LAMA3: variants seen among roughly 807,000 people sequenced by gnomAD.
The protein encoded by LAMA3 is laminin subunit alpha-3.
In LAMA3, 281 loss-of-function variants were observed where a neutral mutation model predicts 402.0. The ratio of observed to expected loss-of-function variants is 0.70; its 90% confidence interval spans 0.63 to 0.77. LAMA3 has a LOEUF of 0.77. Among genes scored for constraint, LAMA3 ranks in the 30% least tolerant of loss-of-function variants. The pLI is 0.00. For missense variants in LAMA3, 3,840 were observed against 4,215.5 expected (o/e 0.91, Z 2.47); for synonymous variants, 1,431 against 1,558.4 (o/e 0.92, Z 1.93).
chr18:23,929,674 C>T (rs561540618), intron 64 of LAMA3, among the ~76,000 whole-genome samples: 3 of 152,262 alleles, frequency 2.0e-5, no homozygotes, highest in South Asian at 4.2e-4. Flanking sequence ...AAGGCCACCC[C>T]TCTCTTGGTG....
At chr18:23,752,994 G>A (rs1193916988) in intron 5 of LAMA3, among the ~76,000 whole-genome samples, 1 of 152,246 alleles carries the variant, frequency 6.6e-6, no homozygotes, top group East Asian at 1.9e-4. Context: ...AAGGTTGCTG[G>A]CAGAGGGAGC....
chr18:23,852,500 G>A (rs1185635250), intron 32 of LAMA3, among the ~76,000 whole-genome samples: 1 of 152,112 alleles, frequency 6.6e-6, no homozygotes, highest in Non-Finnish European at 1.5e-5. Flanking sequence ...TCCCTTAAGT[G>A]TTATTTTGTA....
chr18:23,812,314 C>T (rs1262972896), intron 13 of LAMA3, among the ~76,000 whole-genome samples: 1 of 152,058 alleles, frequency 6.6e-6, no homozygotes, highest in African/African-American at 2.4e-5. Context: ...TGCACTCCAA[C>T]CTGGAAGACA....
At chr18:23,822,466 T>G (rs896691935) in intron 20 of LAMA3, 91 bp downstream of exon 20, 1 of 1,383,196 alleles carries the variant, frequency 7.2e-7, no homozygotes, top group East Asian at 2.3e-5. Flanking sequence ...TTGATCACCC[T>G]TAGAAAATGT....
At position 23,846,610 on chromosome 18, in the gene LAMA3, T is replaced by C. The variant is rs1278933747; in HGVS notation, c.3931+102T>C. 5 of 1,038,890 alleles carry C rather than the reference T, an allele frequency of 4.8e-6. No individual in the cohort carries two copies. In the East Asian group the frequency reaches 1.3e-4, roughly 27 times the overall value. The allele number at this position is 1,038,890 out of a possible 1,614,324, so 64.4% of individuals were successfully genotyped here. A position where few individuals can be genotyped will look rare whatever the true frequency, so the allele number is the denominator to read the frequency against. On this transcript the variant is annotated intron_variant, in intron 31 of 74. Transcript: ENST00000313654. ...AGTGGCACTGTGCTAGAGACTCACCTGGAGATCTGGAGAAATGCAGATTCT... is the reference window on the plus strand; with the variant it reads ...AGTGGCACTGTGCTAGAGACTCACCCGGAGATCTGGAGAAATGCAGATTCT...
At chr18:23,924,247 G>A (rs1399757506) in intron 62 of LAMA3, among the ~76,000 whole-genome samples, 1 of 152,096 alleles carries the variant, frequency 6.6e-6, no homozygotes, top group African/African-American at 2.4e-5. Context: ...TGCCTCCTGG[G>A]CTCAAGTGAT....
In LAMA3 at chr18:23,904,660, A is replaced by G. The variant is rs549111114; in HGVS notation, c.6581A>G (p.Asn2194Ser). The G allele has an allele frequency of 5.0e-6, 8 of 1,614,058 alleles. No individual in the cohort carries two copies. The African/African-American group carries it at 5.3e-5, about 11-fold the overall frequency. The change falls in exon 51 of 75, where the codon AAC (asparagine) becomes AGC (serine). Residue 2194 changes from asparagine (N) to serine (S), a missense_variant. By Grantham distance (46) the Asn-to-Ser change is conservative. Coordinates refer to ENST00000313654, the MANE Select transcript of LAMA3 (RefSeq NM_198129.4). Reference sequence around the variant, plus strand: ...ATCAAAGCGGCCGAGGACGCAGCCAACAGGGCTGCCAGTGCATCTGAATCT... The same window carrying G: ...ATCAAAGCGGCCGAGGACGCAGCCAGCAGGGCTGCCAGTGCATCTGAATCT... ...NAIKAAEDAA[N>S]RAASASESAL...
intron 12 of LAMA3, among the ~76,000 whole-genome samples, chr18:23,797,067 A>G (rs1228043448): frequency 6.6e-6 from 1 of 152,058 alleles, no homozygotes; most frequent in African/African-American, 2.4e-5. Context: ...ACTAATACAT[A>G]CACATCCAGC....
intron 12 of LAMA3, among the ~76,000 whole-genome samples, chr18:23,808,334 A>G (rs1341825436): frequency 6.6e-6 from 1 of 152,154 alleles, no homozygotes; most frequent in Non-Finnish European, 1.5e-5. Flanking sequence ...CTACATAAAT[A>G]GTTATATTAC....
rs1434928551 is a variant in LAMA3, at chr18:23,899,447, C to T, written c.5996C>T (p.Ser1999Leu). 3 of 1,613,826 alleles carry T rather than the reference C, an allele frequency of 1.9e-6. No individual in the cohort carries two copies. The highest frequency in any genetic ancestry group is 1.1e-5 in the South Asian group (1 of 90,994). The change falls in exon 47 of 75, where the codon TCG becomes TTG. Residue 1999 changes from serine to leucine, a missense_variant. Physicochemically the swap from Ser to Leu is moderately radical, Grantham distance 145 (BLOSUM62 -2). Around this residue, in one of 3 missense-constraint regions of LAMA3, gnomAD observed 891 missense variants for 857.5 expected, o/e 1.04. Coordinates refer to ENST00000313654, the MANE Select transcript of LAMA3 (RefSeq NM_198129.4). ...LREAEADKRE[S>L]QLLLNRIRTW... Reference sequence around the variant, plus strand: ...GAAGCAGAAGCTGATAAAAGGGAGTCGCAGCTCTGTAAGAATGCTCCCAAA... The same window carrying T: ...GAAGCAGAAGCTGATAAAAGGGAGTTGCAGCTCTGTAAGAATGCTCCCAAA...
chr18:23,935,711 A>G (rs1321289136), intron 67 of LAMA3, among the ~76,000 whole-genome samples: 1 of 152,190 alleles, frequency 6.6e-6, no homozygotes, highest in Non-Finnish European at 1.5e-5. Context: ...AAATGAAGTA[A>G]TAAACACAAA....
chr18:23,748,776 CAG>C (rs1193244266), intron 3 of LAMA3, among the ~76,000 whole-genome samples: 1 of 148,936 alleles, frequency 6.7e-6, no homozygotes, highest in Admixed American at 6.7e-5. Context: ...GCCTGGGTGA[CAG>C]AGTGAGACTC....
Position 23,903,955 on chromosome 18 carries a change from G to C in LAMA3, c.6341G>C (p.Ser2114Thr), listed in dbSNP as rs765156532. ...TAGGAATATGAAAAATTAGCTGCCA[G>C]TTTAAATGAAGCAAGACAAGAACTA... ...SQKEYEKLAA[S>T]LNEARQELSD... is the part of the protein sequence containing the mutation. The change falls in exon 50 of 75, where the codon AGT becomes ACT. Residue 2114 changes from serine (S) to threonine (T), a missense_variant. Physicochemically the swap from Ser to Thr is moderately conservative, Grantham distance 58 (BLOSUM62 1). This residue lies in a region of LAMA3 where 891 missense variants were observed against 857.5 expected (regional missense o/e 1.04). Transcript: ENST00000313654. The C allele has an allele frequency of 6.2e-7, 1 of 1,613,466 alleles. No individual in the cohort carries two copies. The highest frequency in any genetic ancestry group is 2.2e-5 in the East Asian group (1 of 44,890).
At chr18:23,782,778 T>C (rs2062461910) in intron 11 of LAMA3, among the ~76,000 whole-genome samples, 1 of 150,560 alleles carries the variant, frequency 6.6e-6, no homozygotes, top group Non-Finnish European at 1.5e-5. Flanking sequence ...GGGAAGTTAA[T>C]TAACCTTTCT....
chr18:23,913,493 T>C (rs1411149227), intron 56 of LAMA3, among the ~76,000 whole-genome samples: 1 of 152,218 alleles, frequency 6.6e-6, no homozygotes, highest in East Asian at 1.9e-4. Flanking sequence ...GGCTTTAGCT[T>C]TTAATCCCTC....
intron 23 of LAMA3, among the ~76,000 whole-genome samples, chr18:23,828,038 C>T (rs909869468): frequency 6.6e-6 from 1 of 152,154 alleles, no homozygotes; most frequent in Non-Finnish European, 1.5e-5. Flanking sequence ...TAAGATCATA[C>T]TGATTTCAGA....
At chr18:23,807,271 G>A (rs1012076064) in intron 12 of LAMA3, among the ~76,000 whole-genome samples, 1 of 152,138 alleles carries the variant, frequency 6.6e-6, no homozygotes, top group Admixed American at 6.5e-5. Context: ...GAGGCCAGGA[G>A]TTTGAGACCA....
intron 12 of LAMA3, among the ~76,000 whole-genome samples, chr18:23,788,897 C>CAT (rs1176329273): frequency 6.6e-6 from 1 of 151,370 alleles, no homozygotes; most frequent in Non-Finnish European, 1.5e-5. Context: ...CATATACACA[C>CAT]ATATATATAA....
At chr18:23,771,294 C>T (rs980954947) in intron 8 of LAMA3, among the ~76,000 whole-genome samples, 1 of 151,998 alleles carries the variant, frequency 6.6e-6, no homozygotes, top group Non-Finnish European at 1.5e-5. Flanking sequence ...CAGTGAATGA[C>T]GACTGAAAAA....
Sources: gnomAD v4.1 joint callset for allele counts (sites outside exome capture counted in the v4.1 genomes callset) on GRCh38, gnomAD v4.1.1 for gene constraint, gnomAD v4.1.1 regional missense constraint, MANE v1.5 for transcripts, NCBI Gene and HGNC (gene_info 2026-07-23, HGNC 2026-07-21) for gene names.